Variants in MEGF6 observed in about 807,000 individuals in gnomAD.
MEGF6 encodes the protein multiple epidermal growth factor-like domains protein 6.
In MEGF6, 184 loss-of-function variants were observed where a neutral mutation model predicts 207.1. The ratio of observed to expected loss-of-function variants is 0.89; its 90% CI spans 0.79 to 1.00. The LOEUF is 1.00. MEGF6 is among the 50% of genes least tolerant of loss of function. The pLI is 0.00. For synonymous variants in MEGF6, 1,038 were observed against 910.0 expected (o/e 1.14, Z -2.53); for missense variants, 2,282 against 2,202.9 (o/e 1.04, Z -0.72).
In MEGF6 at chr1:3,556,368, G is replaced by A. The variant is rs1643031336; in HGVS notation, c.481+23457C>T. 6.6e-6 allele frequency among the ~76,000 whole-genome samples: 1 copy of A among 152,232 alleles called. No individual in the cohort carries two copies. Among genetic ancestry groups the A allele is most frequent in the African/African-American group, 2.4e-5 (1 of 41,454 alleles). On this transcript the variant is annotated intron_variant, in intron 4 of 36. Coordinates refer to ENST00000356575, the MANE Select transcript of MEGF6 (RefSeq NM_001409.4). This position sits in a 1 kb window ranked among gnomAD's most constrained non-coding sequence, Gnocchi z 4.4. ...GACAACGTCACACTCATTACATGAA[G>A]TTTCATGGTAAGTGGCGCATCCAAA... is the stretch of plus-strand genomic sequence containing the variant.
chr1:3,616,202 G>A (rs1251980993), upstream of MEGF6, among the ~76,000 whole-genome samples: 2 of 152,146 alleles, frequency 1.3e-5, no homozygotes, highest in Non-Finnish European at 2.9e-5. Flanking sequence ...AATCCTTCCA[G>A]AGCTGAGAGT....
At chr1:3,500,945 G>A in intron 20 of MEGF6, 21 bp downstream of exon 20, 1 of 1,610,880 alleles carries the variant, frequency 6.2e-7, no homozygotes, top group Non-Finnish European at 8.5e-7. Flanking sequence ...TGGACAAAGG[G>A]CAAGCCAAGG....
chr1:3,493,543 G>A lies in MEGF6; in HGVS notation c.4387+228C>T, dbSNP rs1640465833. Reference sequence around the variant, plus strand: ...CATGGCCTTCCTGGGACGTTGTGGGGGCCACACGGCAGGGCCTGGCCTAAG... The same window carrying A: ...CATGGCCTTCCTGGGACGTTGTGGGAGCCACACGGCAGGGCCTGGCCTAAG... On this transcript the variant is annotated intron_variant, in intron 34 of 36. Coordinates refer to ENST00000356575, the MANE Select transcript of MEGF6 (RefSeq NM_001409.4). 28 of 603,528 alleles carry A rather than the reference G, an allele frequency of 4.6e-5. 1 individual carries two copies. The South Asian group carries it at 5.6e-4, about 12-fold the overall frequency. 37.4% of individuals were successfully genotyped at this position (603,528 alleles called of 1,614,324 possible). A position where few individuals can be genotyped will look rare whatever the true frequency, so the allele number is the denominator to read the frequency against.
intron 4 of MEGF6, chr1:3,531,350 G>C (rs3927735): frequency 0.43 from 515,844 of 1,195,586 alleles, 113,359 homozygotes; most frequent in South Asian, 0.48. Flanking sequence ...TCTGGGTTCC[G>C]GGCGGGCGCG....
At chr1:3,550,250 C>G (rs926455615) in intron 4 of MEGF6, among the ~76,000 whole-genome samples, 1 of 152,214 alleles carries the variant, frequency 6.6e-6, no homozygotes, top group Non-Finnish European at 1.5e-5. Context: ...GACTTGTCCA[C>G]AGCCATCAGA....
intron 11 of MEGF6, among the ~76,000 whole-genome samples, 187 bp downstream of exon 11, chr1:3,509,683 A>T (rs1245313783): frequency 6.6e-6 from 1 of 152,190 alleles, no homozygotes; most frequent in Non-Finnish European, 1.5e-5. Context: ...GGCCCTCAGA[A>T]GAGGCAGGAC....
chr1:3,578,432 G>A (rs1281561468), intron 4 of MEGF6, among the ~76,000 whole-genome samples: 1 of 152,022 alleles, frequency 6.6e-6, no homozygotes. Context: ...CCTGTCCTCG[G>A]AACAGGGATG....
At chr1:3,499,094 C>A in intron 24 of MEGF6, 44 bp downstream of exon 24, 1 of 1,590,386 alleles carries the variant, frequency 6.3e-7, no homozygotes, top group East Asian at 2.3e-5. Flanking sequence ...AGCACCCTCG[C>A]TCAGGCCTGG....
Position 3,498,734 on chromosome 1 carries a change from A to G in MEGF6, c.3187T>C (p.Cys1063Arg). The G allele has an allele frequency of 6.4e-7, 1 of 1,566,938 alleles. No homozygotes were observed. The highest frequency in any genetic ancestry group is 8.6e-7 in the Non-Finnish European group (1 of 1,157,988). The change falls in exon 25 of 37, where the codon TGC becomes CGC. Residue 1063 changes from cysteine to arginine, a missense_variant. Cys to Arg is a radical substitution (Grantham distance 180, BLOSUM62 -3). Coordinates refer to ENST00000356575, the MANE Select transcript of MEGF6 (RefSeq NM_001409.4). ...GCCAGGCCGGCCCAGCCCTCTGGGC[A>G]CGCACAGTGGCCTGAGACAGGGTCA... Reference protein sequence around the residue: ...TCDPVSGHCACPEGWAGLACE... With the variant: ...TCDPVSGHCARPEGWAGLACE...
intron 4 of MEGF6, among the ~76,000 whole-genome samples, chr1:3,561,862 TG>T (rs1260753645): frequency 6.6e-6 from 1 of 152,234 alleles, no homozygotes; most frequent in Non-Finnish European, 1.5e-5. Context: ...CTCCAAAACG[TG>T]GGAGGGGGCT....
intron 1 of MEGF6, among the ~76,000 whole-genome samples, chr1:3,608,469 G>GC (rs1553121133): frequency 6.6e-6 from 1 of 152,110 alleles, no homozygotes; most frequent in African/African-American, 2.4e-5. Context: ...GGAGCCCATG[G>GC]CCCCAGTGGA....
At chr1:3,580,272 G>T (rs1280854356) in intron 3 of MEGF6, among the ~76,000 whole-genome samples, 1 of 151,740 alleles carries the variant, frequency 6.6e-6, no homozygotes, top group Non-Finnish European at 1.5e-5. Flanking sequence ...TGGGGGTGCA[G>T]GGGGGAGGGG....
intron 3 of MEGF6, among the ~76,000 whole-genome samples, chr1:3,590,348 C>T (rs1277422373): frequency 6.6e-6 from 1 of 152,150 alleles, no homozygotes; most frequent in Non-Finnish European, 1.5e-5. Context: ...AACCTGGCAC[C>T]GGACCAGGAT....
At chr1:3,599,634 C>A (rs1279918687) in intron 2 of MEGF6, among the ~76,000 whole-genome samples, 1 of 152,224 alleles carries the variant, frequency 6.6e-6, no homozygotes, top group Non-Finnish European at 1.5e-5. Flanking sequence ...CAGCCCGAGT[C>A]ACCAGTCACC....
At chr1:3,588,943 C>A (rs887478760) in intron 3 of MEGF6, among the ~76,000 whole-genome samples, 3 of 152,132 alleles carry the variant, frequency 2.0e-5, no homozygotes, top group Non-Finnish European at 4.4e-5. Context: ...CCAGGCCTAT[C>A]CCCCTGTGGT....
intron 4 of MEGF6, among the ~76,000 whole-genome samples, chr1:3,525,966 G>A (rs1476091570): frequency 6.6e-6 from 1 of 152,214 alleles, no homozygotes; most frequent in African/African-American, 2.4e-5. Context: ...TGTGTGTGCA[G>A]CCCCTGGGCT....
chr1:3,595,095 G>A (rs962631788), intron 3 of MEGF6, among the ~76,000 whole-genome samples: 8 of 151,876 alleles, frequency 5.3e-5, no homozygotes, highest in Non-Finnish European at 1.0e-4. Flanking sequence ...CCTGTCCTCC[G>A]GCAGAGCCAG....
At chr1:3,539,847 G>A (rs1285028759) in intron 4 of MEGF6, among the ~76,000 whole-genome samples, 1 of 152,180 alleles carries the variant, frequency 6.6e-6, no homozygotes, top group Non-Finnish European at 1.5e-5. Context: ...AGGGTCCCAG[G>A]GTGCGCTGAG....
intron 4 of MEGF6, among the ~76,000 whole-genome samples, chr1:3,562,605 C>T (rs560440908): frequency 3.3e-5 from 5 of 152,360 alleles, no homozygotes; most frequent in Admixed American, 2.0e-4. Flanking sequence ...TGGGGCTCAG[C>T]ACTTTTCTAT....
Sources: gnomAD v4.1 joint callset for allele counts (sites outside exome capture counted in the v4.1 genomes callset) on GRCh38, gnomAD v4.1.1 for gene constraint, Gnocchi (gnomAD v3.1) non-coding constraint, MANE v1.5 for transcripts, NCBI Gene and HGNC (gene_info 2026-07-23, HGNC 2026-07-21) for gene names.